Variants in RNF6 observed in about 807,000 individuals in gnomAD.
The protein encoded by RNF6 is ring finger protein 6.
RNF6 carries 21 observed loss-of-function variants against 50.1 expected under a neutral mutation model. The ratio of observed to expected loss-of-function variants is 0.42; its 90% CI spans 0.30 to 0.60. The LOEUF is 0.60. Among genes scored for constraint, RNF6 ranks in the 20% least tolerant of loss-of-function variants. The pLI, the probability that RNF6 is intolerant of heterozygous loss-of-function variation, is 0.20. For synonymous variants in RNF6, 255 were observed against 291.8 expected (o/e 0.87, Z 1.29); for missense variants, 698 against 838.2 (o/e 0.83, Z 2.07).
At chr13:26,219,968 C>G (rs1338639973) in intron 2 of RNF6, among the ~76,000 whole-genome samples, 1 of 152,184 alleles carries the variant, frequency 6.6e-6, no homozygotes, top group Non-Finnish European at 1.5e-5. Flanking sequence ...TGTTGACGAT[C>G]TGGAAAAGTT....
chr13:26,148,759 G>A (rs1224798883), intron 5 of RNF6, among the ~76,000 whole-genome samples: 1 of 147,116 alleles, frequency 6.8e-6, no homozygotes, highest in Non-Finnish European at 1.5e-5. Context: ...TGTGGTTACA[G>A]AAGCTGGCAA....
At position 26,186,868 on chromosome 13, in the gene RNF6, C is replaced by T. The variant is rs570571437; in HGVS notation, n.768+28606G>A. On this transcript the variant is annotated intron_variant and non_coding_transcript_variant, in intron 5 of 5. Transcript: ENST00000468480. ...TCTCGGCTCACTGCAATTTCCGCCT[C>T]CCAGGTTCACGCCATTCTCCTGCCT... is the stretch of plus-strand genomic sequence containing the variant. 1.7e-3 allele frequency among the ~76,000 whole-genome samples: 253 copies of T among 152,114 alleles called. 2 individuals carry two copies. The highest frequency in any genetic ancestry group is 5.9e-3 in the African/African-American group (243 of 41,502).
chr13:26,215,776 AAAATT>A (rs1869816772), intron 4 of RNF6, among the ~76,000 whole-genome samples, 184 bp from the exon 5 acceptor site: 2 of 152,266 alleles, frequency 1.3e-5, no homozygotes, highest in Non-Finnish European at 2.9e-5. Flanking sequence ...GCATATTATA[AAAATT>A]AAATTACTAT....
At chr13:26,199,999 ACTTATGAAGAAGCCAGAAG>A (rs891548395) in intron 5 of RNF6, among the ~76,000 whole-genome samples, 78 of 152,136 alleles carry the variant, frequency 5.1e-4, no homozygotes, top group Non-Finnish European at 1.8e-4. Context: ...GGAAGAAGCC[ACTTATGAAGAAGCCAGAAG>A]CTTATGAAGA....
intron 5 of RNF6, among the ~76,000 whole-genome samples, chr13:26,144,077 TATC>T (rs1157584240): frequency 1.3e-5 from 2 of 152,128 alleles, no homozygotes; most frequent in Non-Finnish European, 2.9e-5. Flanking sequence ...TGAGGAATCC[TATC>T]ATATCAGGGG....
intron 5 of RNF6, among the ~76,000 whole-genome samples, chr13:26,187,593 T>C (rs1873617586): frequency 6.6e-6 from 1 of 152,206 alleles, no homozygotes; most frequent in Non-Finnish European, 1.5e-5. Flanking sequence ...ATTGGGTGAC[T>C]TAGTGGGTAT....
At position 26,214,665 on chromosome 13, in the gene RNF6, A is replaced by G. The variant is rs1869652889; in HGVS notation, c.1217T>C (p.Ile406Thr). Reference protein sequence around the residue: ...TITLDLQVRRIRPGENRDRDS... With the variant: ...TITLDLQVRRTRPGENRDRDS... ...CCGATCTCTATTTTCTCCAGGACGG[A>G]TCCTTCTCACTTGAAGGTCCAGTGT... The change falls in exon 5 of 5, where the codon ATC (isoleucine) becomes ACC (threonine). Residue 406 changes from isoleucine (I) to threonine (T), a missense_variant. Physicochemically the swap from Ile to Thr is moderately conservative, Grantham distance 89. Coordinates refer to ENST00000381588, the MANE Select transcript of RNF6 (RefSeq NM_005977.4). 3 of 1,614,232 alleles carry G rather than the reference A, an allele frequency of 1.9e-6. No homozygotes were observed. Among genetic ancestry groups the G allele is most frequent in the Non-Finnish European group, 2.5e-6 (3 of 1,180,044 alleles).
intron 5 of RNF6, chr13:26,149,191 T>C (rs1196135120): frequency 6.6e-6 from 1 of 152,204 alleles, no homozygotes. Flanking sequence ...AACTATTTTG[T>C]CTGCCATATG....
At chr13:26,172,724 T>C (rs541472217) in intron 5 of RNF6, among the ~76,000 whole-genome samples, 2 of 152,258 alleles carry the variant, frequency 1.3e-5, no homozygotes, top group African/African-American at 2.4e-5. Context: ...TCTGTATTTT[T>C]AGTACAGATA....
chr13:26,146,134 A>C (rs1367880893), intron 5 of RNF6, among the ~76,000 whole-genome samples: 1 of 152,238 alleles, frequency 6.6e-6, no homozygotes, highest in Non-Finnish European at 1.5e-5. Flanking sequence ...GCCCCAGTGC[A>C]CAGTTATTCT....
chr13:26,167,359 A>G (rs988290678), intron 5 of RNF6, among the ~76,000 whole-genome samples: 5 of 152,216 alleles, frequency 3.3e-5, no homozygotes, highest in Non-Finnish European at 7.3e-5. Flanking sequence ...TTTACAAGAA[A>G]AAACAAACAA....
chr13:26,196,025 T>TA, intron 5 of RNF6, among the ~76,000 whole-genome samples: 1 of 152,208 alleles, frequency 6.6e-6, no homozygotes, highest in Non-Finnish European at 1.5e-5. Flanking sequence ...GACTGAGGTG[T>TA]AAAAAACACT....
chr13:26,140,316 A>G (rs1870869987), intron 5 of RNF6, among the ~76,000 whole-genome samples: 1 of 152,222 alleles, frequency 6.6e-6, no homozygotes. Flanking sequence ...GAATCACAGC[A>G]GACTCAGAGA....
intron 5 of RNF6, among the ~76,000 whole-genome samples, chr13:26,182,926 T>C (rs1177541900): frequency 6.6e-6 from 1 of 152,154 alleles, no homozygotes; most frequent in African/African-American, 2.4e-5. Context: ...AGTAGCCAAA[T>C]GGCTGGGAAC....
At chr13:26,195,414 G>GT (rs1333038696) in intron 5 of RNF6, among the ~76,000 whole-genome samples, 1 of 151,960 alleles carries the variant, frequency 6.6e-6, no homozygotes, top group African/African-American at 2.4e-5. Context: ...TTATGAAGGT[G>GT]TAACACACAT....
intron 5 of RNF6, among the ~76,000 whole-genome samples, chr13:26,168,872 G>A (rs1308466749): frequency 3.3e-5 from 5 of 152,192 alleles, no homozygotes; most frequent in South Asian, 2.1e-4. Flanking sequence ...CACGGTGGCC[G>A]CACAGCTGTA....
chr13:26,201,017 C>T (rs1868877597), intron 5 of RNF6, among the ~76,000 whole-genome samples: 1 of 152,112 alleles, frequency 6.6e-6, no homozygotes, highest in African/African-American at 2.4e-5. Context: ...GAGACTCTGG[C>T]ATTGCATAAC....
Position 26,153,547 on chromosome 13 carries a change from T to A in RNF6, n.769-21096A>T, listed in dbSNP as rs536342610. ...AAAGAATGGGTAGGATATAGATAGA[T>A]TAATACCTTCTAGGTTTAGGATATA... On this transcript the variant is annotated intron_variant and non_coding_transcript_variant, in intron 5 of 5. Transcript: ENST00000468480. Among the ~76,000 whole-genome samples the A allele has an allele frequency of 1.2e-4, 19 of 152,250 alleles. No homozygotes were observed. The South Asian group carries it at 3.7e-3, about 30-fold the overall frequency.
At chr13:26,161,966 A>G (rs1047593004) in intron 5 of RNF6, among the ~76,000 whole-genome samples, 1 of 152,200 alleles carries the variant, frequency 6.6e-6, no homozygotes, top group Non-Finnish European at 1.5e-5. Context: ...TATACTGAGC[A>G]ATTTAAACCT....
Sources: gnomAD v4.1 joint callset for allele counts (sites outside exome capture counted in the v4.1 genomes callset) on GRCh38, gnomAD v4.1.1 for gene constraint, MANE v1.5 for transcripts, NCBI Gene and HGNC (gene_info 2026-07-23, HGNC 2026-07-21) for gene names.